Variants in GYPE observed in about 807,000 individuals in gnomAD.
GYPE encodes glycophorin E (MNS blood group), also known as glycophorin-E.
GYPE carries 8 observed loss-of-function variants against 11.6 expected under a neutral mutation model. The observed-to-expected ratio is 0.69, with a 90% confidence interval of 0.41 to 1.25. The LOEUF (loss-of-function observed/expected upper bound fraction) is 1.25. GYPE is among the 50% of genes most tolerant of loss of function. The probability of loss-of-function intolerance (pLI) is 0.01; values close to 1 mark genes in which losing one functional copy is unlikely to be tolerated. For synonymous variants in GYPE, 28 were observed against 29.6 expected (o/e 0.94, Z 0.18); for missense variants, 90 against 92.8 (o/e 0.97, Z 0.12).
At chr4:143,902,543 C>G (rs1419974598) in intron 1 of GYPE, among the ~76,000 whole-genome samples, 1 of 151,762 alleles carries the variant, frequency 6.6e-6, no homozygotes, top group Non-Finnish European at 1.5e-5. Flanking sequence ...CCTTTCCCTT[C>G]TCTCTTCTCC....
At chr4:143,875,625 G>C in intron 3 of GYPE, 1 of 1,489,626 alleles carries the variant, frequency 6.7e-7, no homozygotes, top group Non-Finnish European at 9.1e-7. Context: ...GCCAATTGGA[G>C]GCTTCTAAAG....
chr4:143,902,958 C>G (rs1744923488), intron 1 of GYPE, among the ~76,000 whole-genome samples: 1 of 152,032 alleles, frequency 6.6e-6, no homozygotes, highest in Admixed American at 6.6e-5. Context: ...CAGATAAAAG[C>G]TCCAGCTTTT....
chr4:143,875,303 A>G, intron 3 of GYPE: 1 of 660,100 alleles, frequency 1.5e-6, no homozygotes. Context: ...TCATGACTAT[A>G]CTACATGCAA....
At chr4:143,902,993 T>C (rs1236778044) in intron 1 of GYPE, among the ~76,000 whole-genome samples, 4 of 152,072 alleles carry the variant, frequency 2.6e-5, no homozygotes, top group Non-Finnish European at 5.9e-5. Flanking sequence ...ACTTACCTCC[T>C]GTTTCAGAAT....
chr4:143,875,695 C>A (rs1284713483), intron 3 of GYPE, among the ~76,000 whole-genome samples: 2 of 152,014 alleles, frequency 1.3e-5, no homozygotes, highest in African/African-American at 4.8e-5. Context: ...TGGGGCCAGG[C>A]GCAGTGGCTC....
chr4:143,883,935 T>C (rs1744153021), intron 1 of GYPE, among the ~76,000 whole-genome samples: 2 of 152,154 alleles, frequency 1.3e-5, no homozygotes, highest in Admixed American at 1.3e-4. Context: ...GTTTCCTAAC[T>C]GTTCAGCAGG....
In GYPE at chr4:143,876,809, C is replaced by A; in HGVS notation, c.183G>T (p.Glu61Asp). 6.2e-7 allele frequency: 1 copy of A among 1,611,732 alleles called. No individual in the cohort carries two copies. The highest frequency in any genetic ancestry group is 8.5e-7 in the Non-Finnish European group (1 of 1,178,424). ...NWWAMARVIF[E>D]VMLVVVGMII... ...TCATTCCAACAACAACAAGCATCAC[C>A]TCAAAAATAACACGAGCCATCGCCC... Residue 61 changes from glutamate to aspartate, a missense_variant, in exon 3 of 4, where the codon GAG becomes GAT. Coordinates refer to ENST00000358615, the MANE Select transcript of GYPE (RefSeq NM_198682.3).
At chr4:143,872,348 C>A (rs908757123) in intron 3 of GYPE, 96 bp from the exon 4 acceptor site, 1 of 152,626 alleles carries the variant, frequency 6.6e-6, no homozygotes, top group South Asian at 2.1e-4. Flanking sequence ...TTGCCTATCT[C>A]CCCAAGATGT....
rs186577809 is a variant in GYPE at position 143,874,103 on chromosome 4, T to C, written c.*10-1851A>G. On this transcript the variant is annotated intron_variant, in intron 3 of 3. Transcript: ENST00000358615. The stretch of plus-strand genomic sequence containing the variant: ...TGTCTTGTTGCTATATGTATATATG[T>C]ATATATATGTATATATGTATTTAGT... 1.0e-4 allele frequency among the ~76,000 whole-genome samples: 15 copies of C among 150,204 alleles called. No homozygotes were observed. The East Asian group carries it at 2.9e-3, about 29-fold the overall frequency.
At chr4:143,897,413 A>C (rs1490052800) in intron 1 of GYPE, among the ~76,000 whole-genome samples, 1 of 152,072 alleles carries the variant, frequency 6.6e-6, no homozygotes, top group African/African-American at 2.4e-5. Flanking sequence ...AGACTGAAGT[A>C]AGTTATGACT....
At chr4:143,890,049 A>G (rs1041387204) in intron 1 of GYPE, among the ~76,000 whole-genome samples, 2 of 152,192 alleles carry the variant, frequency 1.3e-5, no homozygotes, top group African/African-American at 2.4e-5. Context: ...ATTATAATGC[A>G]ACCAATTCTC....
chr4:143,889,594 T>A (rs930725241), intron 1 of GYPE, among the ~76,000 whole-genome samples: 2 of 152,192 alleles, frequency 1.3e-5, no homozygotes, highest in African/African-American at 4.8e-5. Context: ...CTCAAACTCC[T>A]AGGCTCAAGC....
intron 1 of GYPE, among the ~76,000 whole-genome samples, chr4:143,889,773 C>G (rs1406961470): frequency 1.3e-5 from 2 of 152,124 alleles, no homozygotes; most frequent in African/African-American, 2.4e-5. Context: ...TTACTTCATT[C>G]CACACATCTC....
intron 1 of GYPE, among the ~76,000 whole-genome samples, chr4:143,902,054 G>A (rs1369810363): frequency 1.3e-5 from 2 of 151,920 alleles, no homozygotes; most frequent in East Asian, 1.9e-4. Context: ...CCATCTACTC[G>A]GCGCTTTATT....
intron 1 of GYPE, among the ~76,000 whole-genome samples, chr4:143,903,896 C>T (rs891893426): frequency 6.6e-6 from 1 of 152,140 alleles, no homozygotes; most frequent in Non-Finnish European, 1.5e-5. Context: ...TGGGCACACC[C>T]CCCAGTAGAG....
At chr4:143,872,417 TA>T (rs1055201979) in intron 3 of GYPE, among the ~76,000 whole-genome samples, 165 bp from the exon 4 acceptor site, 1 of 152,096 alleles carries the variant, frequency 6.6e-6, no homozygotes, top group African/African-American at 2.4e-5. Context: ...TAAGCAAATT[TA>T]AAAAATTAAT....
At chr4:143,889,147 T>C (rs1201604858) in intron 1 of GYPE, among the ~76,000 whole-genome samples, 1 of 150,572 alleles carries the variant, frequency 6.6e-6, no homozygotes, top group Non-Finnish European at 1.5e-5. Flanking sequence ...AGAAGGGTGC[T>C]GTATTTATTC....
rs374176541 is a variant in GYPE, at chr4:143,887,667, G to A, written c.38-7158C>T. Among the ~76,000 whole-genome samples the A allele has an allele frequency of 2.6e-5, 4 of 150,960 alleles. No individual in the cohort carries two copies. The East Asian group carries it at 6.1e-4, about 23-fold the overall frequency. On this transcript the variant is annotated intron_variant, in intron 1 of 3. Transcript: ENST00000358615. ...GGGGAGTATAACATGCATTGATGTG[G>A]AGGCTTAGGGCACCTAGCAGGCAAG...
intron 1 of GYPE, among the ~76,000 whole-genome samples, chr4:143,901,205 A>C (rs1480413433): frequency 3.3e-5 from 5 of 152,294 alleles, no homozygotes; most frequent in African/African-American, 7.2e-5. Flanking sequence ...TCATTTTTCC[A>C]GAGCTTACAT....
Sources: allele counts gnomAD v4.1 joint callset (sites outside exome capture counted in the v4.1 genomes callset), GRCh38; gene constraint gnomAD v4.1.1; transcripts MANE v1.5; gene names NCBI Gene and HGNC (gene_info 2026-07-23, HGNC 2026-07-21).